LRP3: variants seen among roughly 807,000 people sequenced by gnomAD.
LRP3 encodes the protein LDL receptor related protein 3, also known as low-density lipoprotein receptor-related protein 3.
A neutral mutation model predicts 58.5 loss-of-function variants in LRP3; 49 were observed. That is an observed-to-expected ratio of 0.84 (90% confidence interval 0.67 to 1.06). LRP3 has a LOEUF of 1.06. Among genes scored for constraint, LRP3 ranks in the 50% least tolerant of loss-of-function variants. The probability of loss-of-function intolerance (pLI) is 0.00; values close to 1 mark genes in which losing one functional copy is unlikely to be tolerated. For missense variants in LRP3, 1,019 were observed against 1,134.2 expected, an observed-to-expected ratio of 0.90 and a Z score of 1.46; for synonymous variants, 485 against 492.2, an observed-to-expected ratio of 0.99 and a Z score of 0.20.
At chr19:33,202,783 C>T in intron 2 of LRP3, 65 bp from the exon 3 acceptor site, 3 of 1,506,690 alleles carry the variant, frequency 2.0e-6, no homozygotes, top group South Asian at 2.5e-5. Context: ...AGCCCCCTTC[C>T]CCCCACTGCA....
chr19:33,208,100 CCT>C lies in LRP3; in HGVS notation c.*526_*527del. 6.1e-6 allele frequency: 1 copy of C among 164,346 alleles called. No individual in the cohort carries two copies. Among genetic ancestry groups the C allele is most frequent in the Non-Finnish European group, 1.3e-5 (1 of 74,810 alleles). The allele number at this position is 164,346 out of a possible 1,614,324, so 10.2% of individuals were successfully genotyped here. ...GGCCAGGCAGGCGCCCTTTGCCCTC[CCT>C]GAAGGTCCAATCTCCTGGGCACCGT... On this transcript the variant is annotated 3_prime_UTR_variant, in exon 7 of 7. Transcript: ENST00000253193. The surrounding 1 kb of genome is among the most constrained non-coding windows in gnomAD (Gnocchi z 4.7).
At position 33,206,374 on chromosome 19, in the gene LRP3, G is replaced by T. The variant is rs780470801; in HGVS notation, c.1592+12G>T. The stretch of plus-strand genomic sequence containing the variant: ...ACGCAGGAATACAGGTGGGCGCTGT[G>T]CCCGCAGCCAGGGGACCGGGCTTCT... On this transcript the variant is annotated intron_variant, in intron 5 of 6. Transcript: ENST00000253193. 3.7e-6 allele frequency: 6 copies of T among 1,603,900 alleles called. No homozygotes were observed. The Admixed American group carries it at 8.4e-5, about 22-fold the overall frequency.
Position 33,207,148 on chromosome 19 carries a change from G to A in LRP3, c.1886G>A (p.Arg629His), listed in dbSNP as rs750191005. ...RGQIPLLTAA[R>H]PSQTVLGDGF... The stretch of plus-strand genomic sequence containing the variant: ...CAGATCCCACTGCTGACCGCAGCAC[G>A]CCCCTCACAGACCGTGCTGGGCGAT... The change falls in exon 7 of 7, where the codon CGC becomes CAC. Residue 629 changes from arginine to histidine, a missense_variant. Arg to His is a conservative substitution (Grantham distance 29). This residue lies in a region of LRP3 where 427 missense variants were observed against 408.6 expected (regional missense o/e 1.04). Coordinates refer to ENST00000253193, the MANE Select transcript of LRP3 (RefSeq NM_002333.4). 47 of 1,534,898 alleles carry A rather than the reference G, an allele frequency of 3.1e-5. No homozygotes were observed. Among genetic ancestry groups the A allele is most frequent in the African/African-American group, 1.9e-4 (14 of 72,848 alleles).
In LRP3 at chr19:33,206,751, G is replaced by C; in HGVS notation, c.1725+18G>C. On this transcript the variant is annotated intron_variant, in intron 6 of 6. Transcript: ENST00000253193. ...CGTCCCAGGTGAGCCCCCGGAGGGC[G>C]TGAGGCCCCTCCGGGGCCACTTGGG... is the stretch of plus-strand genomic sequence containing the variant. 1 of 1,508,436 alleles carries C rather than the reference G, an allele frequency of 6.6e-7. No individual in the cohort carries two copies. The highest frequency in any genetic ancestry group is 2.3e-5 in the Admixed American group (1 of 43,256). The allele number at this position is 1,508,436 out of a possible 1,614,324, so 93.4% of individuals were successfully genotyped here. A position where few individuals can be genotyped will look rare whatever the true frequency, so the allele number is the denominator to read the frequency against.
In LRP3 at chr19:33,202,906, G is replaced by A. The variant is rs1291458679; in HGVS notation, c.180G>A (p.Pro60=). Residue 60 remains proline (P), a synonymous_variant, in exon 3 of 7, where the codon CCG becomes CCA. Coordinates refer to ENST00000253193, the MANE Select transcript of LRP3 (RefSeq NM_002333.4). ...AGCGGCGTGGGGTCATCTACAGCCC[G>A]GCCTGGCCCCTCAACTACCCGCCAG... The part of the protein sequence containing the change: ...HTERRGVIYS[P]AWPLNYPPGT... The A allele has an allele frequency of 4.3e-6, 7 of 1,611,452 alleles. No individual in the cohort carries two copies. The highest frequency in any genetic ancestry group is 1.3e-5 in the African/African-American group (1 of 74,884).
rs115515046 is a variant in LRP3, at chr19:33,207,664, T to C, written c.*89T>C. 7.9e-4 allele frequency: 842 copies of C among 1,069,834 alleles called. 1 individual carries two copies. The African/African-American group carries it at 0.012, about 15-fold the overall frequency. The allele number at this position is 1,069,834 out of a possible 1,614,324, so 66.3% of individuals were successfully genotyped here. A position where few individuals can be genotyped will look rare whatever the true frequency, so the allele number is the denominator to read the frequency against. ...TACCCTGCCTCTGCGTCCTTTCTTA[T>C]GGAGAGGCCCTCCGGGGACCCCAGC... On this transcript the variant is annotated 3_prime_UTR_variant, in exon 7 of 7. Coordinates refer to ENST00000253193, the MANE Select transcript of LRP3 (RefSeq NM_002333.4).
rs770759781 is a variant in LRP3, at chr19:33,205,671, C to T, written c.901C>T (p.Arg301Trp). The T allele has an allele frequency of 1.6e-5, 25 of 1,608,498 alleles. No individual in the cohort carries two copies. In the East Asian group the frequency reaches 2.2e-4, roughly 14 times the overall value. The change falls in exon 5 of 7, where the codon CGG (arginine) becomes TGG (tryptophan). Residue 301 changes from arginine (R) to tryptophan (W), a missense_variant. By Grantham distance (101) the Arg-to-Trp change is moderately radical. Coordinates refer to ENST00000253193, the MANE Select transcript of LRP3 (RefSeq NM_002333.4). ...SRRVLLQLELRLGYDDYVQVY... is the reference protein window; with the variant it reads ...SRRVLLQLELWLGYDDYVQVY... ...GCGGGTGCTGCTGCAGCTGGAACTG[C>T]GGCTGGGCTATGACGACTACGTGCA...
At position 33,205,829 on chromosome 19, in the gene LRP3, C is replaced by T. The variant is rs755759393; in HGVS notation, c.1059C>T (p.Ser353=). 46 of 1,586,980 alleles carry T rather than the reference C, an allele frequency of 2.9e-5. 1 individual carries two copies. The highest frequency in any genetic ancestry group is 5.6e-5 in the South Asian group (5 of 88,616). Residue 353 remains serine (S), a synonymous_variant, in exon 5 of 7, where the codon AGC becomes AGT. Coordinates refer to ENST00000253193, the MANE Select transcript of LRP3 (RefSeq NM_002333.4). The part of the protein sequence containing the change: ...LTVAYHARAR[S]AGHGFNATYQ... ...TGGCCTACCACGCGCGCGCCCGCAGCGCCGGCCACGGCTTCAATGCCACCT... is the reference window on the plus strand; with the variant it reads ...TGGCCTACCACGCGCGCGCCCGCAGTGCCGGCCACGGCTTCAATGCCACCT...
chr19:33,202,268 A>G (rs78116026), intron 2 of LRP3, among the ~76,000 whole-genome samples: 4,910 of 152,284 alleles, frequency 0.032, 110 homozygotes, highest in South Asian at 0.099. Flanking sequence ...TAGTATCTTC[A>G]TTCCACTGAG....
In LRP3 at chr19:33,207,226, T is replaced by C. The variant is rs547810427; in HGVS notation, c.1964T>C (p.Met655Thr). 4.9e-5 allele frequency: 77 copies of C among 1,563,030 alleles called. 1 individual carries two copies. In the South Asian group the frequency reaches 7.1e-4, roughly 14 times the overall value. ...GCCCCCGACCCCCCAGCACCGCTCA[T>C]GGACACAGGCAGCACCAGGGCGGCC... ...GAAPDPPAPL[M>T]DTGSTRAAGD... The change falls in exon 7 of 7, where the codon ATG (methionine) becomes ACG (threonine). Residue 655 changes from methionine (M) to threonine (T), a missense_variant. Met to Thr is a moderately conservative substitution (Grantham distance 81). Transcript: ENST00000253193.
rs777687602 is a variant in LRP3 at position 33,206,152 on chromosome 19, A to C, written c.1382A>C (p.His461Pro). 1.9e-6 allele frequency: 3 copies of C among 1,605,824 alleles called. No individual in the cohort carries two copies. The highest frequency in any genetic ancestry group is 2.5e-6 in the Non-Finnish European group (3 of 1,177,566). ...TTCTCCTGCCAGCCCGGCACCTTCCACTGCGGTACCAACCTGTGCATCTTC... is the reference window on the plus strand; with the variant it reads ...TTCTCCTGCCAGCCCGGCACCTTCCCCTGCGGTACCAACCTGTGCATCTTC... ...NCFSCQPGTF[H>P]CGTNLCIFET... The change falls in exon 5 of 7, where the codon CAC becomes CCC. Residue 461 changes from histidine to proline, a missense_variant. His to Pro is a moderately conservative substitution (Grantham distance 77). Coordinates refer to ENST00000253193, the MANE Select transcript of LRP3 (RefSeq NM_002333.4).
chr19:33,203,042 G>A, intron 3 of LRP3, 56 bp downstream of exon 3: 1 of 1,585,144 alleles, frequency 6.3e-7, no homozygotes, highest in Non-Finnish European at 8.6e-7. Flanking sequence ...TGCATGGGGT[G>A]GGTGAGAATG....
At chr19:33,202,015 A>G (rs142189369) in intron 2 of LRP3, among the ~76,000 whole-genome samples, 4,020 of 152,314 alleles carry the variant, frequency 0.026, 70 homozygotes, top group Middle Eastern at 0.061. Context: ...TCAGTGCTGC[A>G]GCAAGAAGCT....
At chr19:33,197,147 T>C (rs1568380328) in intron 2 of LRP3, among the ~76,000 whole-genome samples, 2 of 152,152 alleles carry the variant, frequency 1.3e-5, no homozygotes, top group Non-Finnish European at 2.9e-5. Context: ...GGATTTAATT[T>C]ATAGGAGTAT....
In LRP3 at chr19:33,207,757, G is replaced by GGA; in HGVS notation, c.*183_*184insAG. The GGA allele has an allele frequency of 3.3e-6, 2 of 599,080 alleles. No individual in the cohort carries two copies. Among genetic ancestry groups the GGA allele is most frequent in the Non-Finnish European group, 5.9e-6 (2 of 337,476 alleles). The allele number at this position is 599,080 out of a possible 1,614,324, so 37.1% of individuals were successfully genotyped here. On this transcript the variant is annotated 3_prime_UTR_variant, in exon 7 of 7. Transcript: ENST00000253193. ...GGAGCTGTGGGACTGAACGGCGGGG[G>GGA]GGAGAAGAGTGGAGTGGTGAGCCCG... is the stretch of plus-strand genomic sequence containing the variant.
chr19:33,208,640 T>G lies in LRP3; in HGVS notation c.*1065T>G. The stretch of plus-strand genomic sequence containing the variant: ...CCCCAGCCACTCCCATCTGTGCCCA[T>G]CAGGGACTCCCCATAGCACGAGCGA... On this transcript the variant is annotated 3_prime_UTR_variant, in exon 7 of 7. Coordinates refer to ENST00000253193, the MANE Select transcript of LRP3 (RefSeq NM_002333.4). The surrounding 1 kb of genome is among the most constrained non-coding windows in gnomAD (Gnocchi z 4.7). 1 of 552,066 alleles carries G rather than the reference T, an allele frequency of 1.8e-6. No homozygotes were observed. Among genetic ancestry groups the G allele is most frequent in the South Asian group, 2.1e-5 (1 of 48,550 alleles). The allele number at this position is 552,066 out of a possible 1,614,324, so 34.2% of individuals were successfully genotyped here.
In LRP3 at chr19:33,206,901, C is replaced by T. The variant is rs1284423268; in HGVS notation, c.1726-87C>T. On this transcript the variant is annotated intron_variant, in intron 6 of 6. Coordinates refer to ENST00000253193, the MANE Select transcript of LRP3 (RefSeq NM_002333.4). ...AGGTGGTCTCTCGGGTCTCAGGTCCCTTGGGGGTGTGCTGTCTCCTGCCCC... is the reference window on the plus strand; with the variant it reads ...AGGTGGTCTCTCGGGTCTCAGGTCCTTTGGGGGTGTGCTGTCTCCTGCCCC... 2.4e-6 allele frequency: 3 copies of T among 1,227,732 alleles called. No homozygotes were observed. The East Asian group carries it at 8.0e-5, about 33-fold the overall frequency. 76.1% of individuals were successfully genotyped at this position (1,227,732 alleles called of 1,614,324 possible).
intron 2 of LRP3, among the ~76,000 whole-genome samples, chr19:33,202,549 G>A (rs1261144572): frequency 2.0e-5 from 3 of 152,214 alleles, no homozygotes; most frequent in African/African-American, 2.4e-5. Context: ...CTGGCAGGAC[G>A]GGTTGTTGGT....
At position 33,205,407 on chromosome 19, in the gene LRP3, C is replaced by T; in HGVS notation, c.637C>T (p.Pro213Ser). 2 of 1,594,306 alleles carry T rather than the reference C, an allele frequency of 1.3e-6. No homozygotes were observed. Among genetic ancestry groups the T allele is most frequent in the Non-Finnish European group, 1.7e-6 (2 of 1,169,520 alleles). Residue 213 changes from proline (P) to serine (S), a missense_variant, in exon 5 of 7, where the codon CCC (proline) becomes TCC (serine). This residue lies in a region of LRP3 where 592 missense variants were observed against 725.5 expected (regional missense o/e 0.82). Coordinates refer to ENST00000253193, the MANE Select transcript of LRP3 (RefSeq NM_002333.4). ...PASEPPGSLC[P>S]GGTFPCSGAR... ...CTCCGAGCCTCCAGGCAGCCTGTGC[C>T]CCGGGGGGACCTTCCCATGCAGCGG... is the stretch of plus-strand genomic sequence containing the variant.
Sources: gnomAD v4.1 joint callset for allele counts (sites outside exome capture counted in the v4.1 genomes callset) on GRCh38, gnomAD v4.1.1 for gene constraint, gnomAD v4.1.1 regional missense constraint, Gnocchi (gnomAD v3.1) non-coding constraint, MANE v1.5 for transcripts, NCBI Gene and HGNC (gene_info 2026-07-23, HGNC 2026-07-21) for gene names.